HNRNPC: variants seen among roughly 807,000 people sequenced by gnomAD.
HNRNPC encodes heterogeneous nuclear ribonucleoprotein C.
A neutral mutation model predicts 33.2 loss-of-function variants in HNRNPC; 3 were observed. The ratio of observed to expected loss-of-function variants is 0.09; its 90% confidence interval spans 0.04 to 0.23. The LOEUF (loss-of-function observed/expected upper bound fraction) is 0.23, where lower values mean the gene tolerates loss of function less well. HNRNPC is among the 10% of genes least tolerant of loss of function. The pLI, the probability that HNRNPC is intolerant of heterozygous loss-of-function variation, is 1.00. For synonymous variants in HNRNPC, 121 were observed against 126.7 expected, an observed-to-expected ratio of 0.96 and a Z score of 0.30; for missense variants, 143 against 366.7, an observed-to-expected ratio of 0.39 and a Z score of 4.98.
chr14:21,220,831 T>A (rs1268950910), intron 5 of HNRNPC, among the ~76,000 whole-genome samples: 12 of 147,692 alleles, frequency 8.1e-5, no homozygotes, highest in Non-Finnish European at 1.2e-4. Flanking sequence ...GGTATTTATT[T>A]AAAAAAAAAA....
chr14:21,249,366 G>C (rs1048574681), intron 2 of HNRNPC, among the ~76,000 whole-genome samples: 5 of 151,250 alleles, frequency 3.3e-5, no homozygotes, highest in Admixed American at 6.6e-5. Flanking sequence ...CCAGAGGTCA[G>C]GAGTTTGAGA....
At chr14:21,259,040 C>CGTTT (rs1877723108) in intron 2 of HNRNPC, among the ~76,000 whole-genome samples, 7 of 152,308 alleles carry the variant, frequency 4.6e-5, no homozygotes, top group Middle Eastern at 3.4e-3. Context: ...GGATCTTAAA[C>CGTTT]AAGACCCTCT....
At chr14:21,256,720 T>G (rs1877282826) in intron 2 of HNRNPC, among the ~76,000 whole-genome samples, 1 of 151,818 alleles carries the variant, frequency 6.6e-6, no homozygotes, top group Admixed American at 6.6e-5. Context: ...GCGGGTGCGA[T>G]CTCGGCTCAC....
rs540842821 is a variant in HNRNPC, at chr14:21,226,342, A to G, written c.365+3977T>C. The stretch of plus-strand genomic sequence containing the variant: ...GTTTCCAAAAGAAAAAAAAAAAAAA[A>G]AAAGAAAGAAAGAATAGTACCAGGG... On this transcript the variant is annotated intron_variant, in intron 5 of 8. Coordinates refer to ENST00000553300, the MANE Select transcript of HNRNPC (RefSeq NM_004500.4). Among the ~76,000 whole-genome samples, 292 of 150,722 alleles carry G rather than the reference A, an allele frequency of 1.9e-3. 1 individual carries two copies. In the South Asian group the frequency reaches 0.022, roughly 12 times the overall value.
chr14:21,247,085 G>A (rs977293458), intron 2 of HNRNPC, among the ~76,000 whole-genome samples: 1 of 152,182 alleles, frequency 6.6e-6, no homozygotes, highest in Non-Finnish European at 1.5e-5. Flanking sequence ...TTGAGGGGGT[G>A]CTGGCAGCTG....
chr14:21,250,547 G>GAGTTC (rs1896522760), intron 2 of HNRNPC, among the ~76,000 whole-genome samples: 2 of 152,160 alleles, frequency 1.3e-5, no homozygotes, highest in East Asian at 3.8e-4. Context: ...TCTGCATTAA[G>GAGTTC]AGTTCAGATA....
At chr14:21,239,468 G>A (rs1254365646) in intron 2 of HNRNPC, among the ~76,000 whole-genome samples, 1 of 151,920 alleles carries the variant, frequency 6.6e-6, no homozygotes, top group African/African-American at 2.4e-5. Flanking sequence ...GACAGAGTGA[G>A]ATTCTACCTC....
At chr14:21,266,982 T>G (rs1230401092) in intron 1 of HNRNPC, among the ~76,000 whole-genome samples, 2 of 151,260 alleles carry the variant, frequency 1.3e-5, no homozygotes, top group African/African-American at 4.9e-5. Flanking sequence ...TCCCAGCTAC[T>G]CGGGAAGCCG....
rs1405859759 is a variant in HNRNPC, at chr14:21,211,502, A to G, written c.702T>C (p.Thr234=). The change falls in exon 8 of 9, where the codon ACT becomes ACC. Residue 234 remains threonine, a synonymous_variant. Coordinates refer to ENST00000553300, the MANE Select transcript of HNRNPC (RefSeq NM_004500.4). ...QSSSSVKKDE[T]NVKMESEGGA... Reference sequence around the variant, plus strand: ...CCCCCTCAGACTCCATCTTCACATTAGTCTCATCTTTCTTCACGGAGCTGC... The same window carrying G: ...CCCCCTCAGACTCCATCTTCACATTGGTCTCATCTTTCTTCACGGAGCTGC... 28 of 1,610,900 alleles carry G rather than the reference A, an allele frequency of 1.7e-5. No individual in the cohort carries two copies. Among genetic ancestry groups the G allele is most frequent in the Non-Finnish European group, 2.1e-5 (25 of 1,179,014 alleles).
intron 2 of HNRNPC, among the ~76,000 whole-genome samples, chr14:21,234,510 A>G (rs1242020553): frequency 2.0e-5 from 3 of 152,202 alleles, no homozygotes; most frequent in East Asian, 1.9e-4. Context: ...CATTGGCAAT[A>G]TAATTTCCTT....
chr14:21,264,361 G>T (rs542034379), intron 1 of HNRNPC: 1 of 152,008 alleles, frequency 6.6e-6, no homozygotes, highest in South Asian at 2.1e-4. Flanking sequence ...CTACTGTTAG[G>T]GGAAAAGATG....
rs574851735 is a variant in HNRNPC at position 21,239,061 on chromosome 14, T to C, written c.-36-4832A>G. ...AGAATCGCTTGAACATGGGAGGAGG[T>C]TGCAGTGAGCCGAGATCGTGCTAAT... On this transcript the variant is annotated intron_variant, in intron 2 of 8. Transcript: ENST00000553300. Among the ~76,000 whole-genome samples, 9 of 146,158 alleles carry C rather than the reference T, an allele frequency of 6.2e-5. No individual in the cohort carries two copies. The South Asian group carries it at 2.0e-3, about 32-fold the overall frequency.
In HNRNPC at chr14:21,256,049, G is replaced by A. The variant is rs574653930; in HGVS notation, c.-37+7262C>T. Among the ~76,000 whole-genome samples, 18 of 152,264 alleles carry A rather than the reference G, an allele frequency of 1.2e-4. No individual in the cohort carries two copies. The South Asian group carries it at 3.5e-3, about 30-fold the overall frequency. The stretch of plus-strand genomic sequence containing the variant: ...TGAAGCACAGTATATTAACAGCAAG[G>A]GAAGGGACACAACAAATCACGTGGG... On this transcript the variant is annotated intron_variant, in intron 2 of 8. Transcript: ENST00000553300.
intron 5 of HNRNPC, among the ~76,000 whole-genome samples, chr14:21,220,664 C>T (rs1337135518): frequency 6.6e-6 from 1 of 152,260 alleles, no homozygotes; most frequent in African/African-American, 2.4e-5. Flanking sequence ...CAATCAACAA[C>T]GTGTAACAAA....
Position 21,210,177 on chromosome 14 carries a change from T to C in HNRNPC, c.*1046A>G, listed in dbSNP as rs1021349805. 7.2e-5 allele frequency: 11 copies of C among 152,274 alleles called. No homozygotes were observed. Among genetic ancestry groups the C allele is most frequent in the Middle Eastern group, 3.4e-3 (1 of 294 alleles). 9.4% of individuals were successfully genotyped at this position (152,274 alleles called of 1,614,324 possible). A position where few individuals can be genotyped will look rare whatever the true frequency, so the allele number is the denominator to read the frequency against. ...GGTTCCATTATGCAGCTGTCGCCATTTTCCTGAAATCTTGATGTTTTTGAG... is the reference window on the plus strand; with the variant it reads ...GGTTCCATTATGCAGCTGTCGCCATCTTCCTGAAATCTTGATGTTTTTGAG... On this transcript the variant is annotated 3_prime_UTR_variant, in exon 9 of 9. Transcript: ENST00000553300.
chr14:21,262,458 C>A (rs1051494771), intron 2 of HNRNPC: 1 of 152,264 alleles, frequency 6.6e-6, no homozygotes, highest in Non-Finnish European at 1.5e-5. Context: ...CTGAGGTGGT[C>A]CCCCTTGGGA....
intron 2 of HNRNPC, among the ~76,000 whole-genome samples, chr14:21,238,137 G>A (rs895046307): frequency 6.6e-6 from 1 of 152,146 alleles, no homozygotes; most frequent in African/African-American, 2.4e-5. Flanking sequence ...CTTGTAGAAT[G>A]AATAGGTCTA....
chr14:21,246,569 A>C (rs557710272), intron 2 of HNRNPC, among the ~76,000 whole-genome samples: 2 of 151,152 alleles, frequency 1.3e-5, no homozygotes, highest in South Asian at 2.1e-4. Flanking sequence ...TCCGTCTCAA[A>C]AAAAAAAAAA....
At chr14:21,223,555 C>G (rs935359399) in intron 5 of HNRNPC, among the ~76,000 whole-genome samples, 2 of 152,026 alleles carry the variant, frequency 1.3e-5, no homozygotes, top group African/African-American at 4.8e-5. Context: ...TCAAGATGAG[C>G]CTGGGCAACA....
Sources: allele counts gnomAD v4.1 joint callset (sites outside exome capture counted in the v4.1 genomes callset), GRCh38; gene constraint gnomAD v4.1.1; transcripts MANE v1.5; gene names NCBI Gene and HGNC (gene_info 2026-07-23, HGNC 2026-07-21).